The following DDAH1 variants were observed in gnomAD, a reference collection of about 807,000 sequenced individuals.
DDAH1 encodes the protein dimethylarginine dimethylaminohydrolase 1.
In DDAH1, 19 loss-of-function variants were observed where a neutral mutation model predicts 28.8. The ratio of observed to expected loss-of-function variants is 0.66; its 90% CI spans 0.46 to 0.97. The LOEUF (loss-of-function observed/expected upper bound fraction) is 0.97, where lower values mean the gene tolerates loss of function less well. Among genes scored for constraint, DDAH1 ranks in the 50% least tolerant of loss-of-function variants. DDAH1 has a pLI of 0.00. For missense variants in DDAH1, 326 were observed against 375.9 expected (o/e 0.87, Z 1.10); for synonymous variants, 153 against 154.4 (o/e 0.99, Z 0.07).
At chr1:85,391,161 T>C (rs1021644512) in intron 1 of DDAH1, among the ~76,000 whole-genome samples, 1 of 152,230 alleles carries the variant, frequency 6.6e-6, no homozygotes, top group Non-Finnish European at 1.5e-5. Context: ...CTTCCTTTTC[T>C]GAAAACACAA....
chr1:85,402,204 G>A (rs559174064), intron 1 of DDAH1, among the ~76,000 whole-genome samples: 8 of 44,692 alleles, frequency 1.8e-4, no homozygotes, highest in African/African-American at 5.3e-4. Context: ...GTCTCACTAC[G>A]TAGCCCAGGC....
rs115172603 is a variant in DDAH1, at chr1:85,492,370, T to C, written c.-7+3796A>G. Reference sequence around the variant, plus strand: ...AGTGGAACATTGTGACTACCCAAATTGCAGCATTAGAAACAGTAATAGAAA... The same window carrying C: ...AGTGGAACATTGTGACTACCCAAATCGCAGCATTAGAAACAGTAATAGAAA... On this transcript the variant is annotated intron_variant, in intron 2 of 6. Coordinates refer to the DDAH1 transcript ENST00000426972. Among the ~76,000 whole-genome samples the C allele has an allele frequency of 3.8e-3, 580 of 152,296 alleles. 4 individuals are homozygous for C. The highest frequency in any genetic ancestry group is 0.013 in the African/African-American group (544 of 41,560).
At chr1:85,575,156 A>C (rs1376529695) in intron 1 of DDAH1, among the ~76,000 whole-genome samples, 1 of 152,108 alleles carries the variant, frequency 6.6e-6, no homozygotes, top group Non-Finnish European at 1.5e-5. Context: ...GCTTGAGCCC[A>C]GGAGGTCAAG....
At chr1:85,506,437 CTTTA>C (rs777378960) in intron 1 of DDAH1, among the ~76,000 whole-genome samples, 52 of 152,132 alleles carry the variant, frequency 3.4e-4, no homozygotes, top group Non-Finnish European at 5.9e-4. Context: ...GTATACAAAT[CTTTA>C]TTTCTGACTT....
At chr1:85,439,834 CT>C (rs1654111707) in intron 1 of DDAH1, among the ~76,000 whole-genome samples, 1 of 152,134 alleles carries the variant, frequency 6.6e-6, no homozygotes, top group Non-Finnish European at 1.5e-5. Context: ...AATTTTCCTA[CT>C]TTAAGATATT....
intron 1 of DDAH1, among the ~76,000 whole-genome samples, chr1:85,455,389 CAT>C (rs1188397016): frequency 1.3e-5 from 2 of 152,150 alleles, no homozygotes; most frequent in South Asian, 2.1e-4. Flanking sequence ...ATTTGGCTAA[CAT>C]GTGTACACAG....
At chr1:85,326,373 A>G (rs233125) in intron 4 of DDAH1, among the ~76,000 whole-genome samples, 8,104 of 152,304 alleles carry the variant, frequency 0.053, 742 homozygotes, top group African/African-American at 0.19. Flanking sequence ...AGAAAAATAG[A>G]TAATTATATT....
intron 1 of DDAH1, among the ~76,000 whole-genome samples, chr1:85,572,928 T>G (rs1323322096): frequency 2.0e-5 from 3 of 152,224 alleles, no homozygotes; most frequent in Non-Finnish European, 4.4e-5. Context: ...TTTAATCATA[T>G]CATCTATATA....
At chr1:85,373,067 C>A (rs2100890713) in intron 1 of DDAH1, among the ~76,000 whole-genome samples, 1 of 152,218 alleles carries the variant, frequency 6.6e-6, no homozygotes, top group South Asian at 2.1e-4. Context: ...ATATTCAAAT[C>A]TTGAAATAAG....
At chr1:85,324,659 G>C in intron 5 of DDAH1, 81 bp downstream of exon 5, 1 of 1,452,342 alleles carries the variant, frequency 6.9e-7, no homozygotes. Flanking sequence ...GGAAAAGGAG[G>C]CTCCTATTGG....
chr1:85,568,281 C>A (rs1239374763), intron 1 of DDAH1, among the ~76,000 whole-genome samples: 1 of 152,052 alleles, frequency 6.6e-6, no homozygotes, highest in Admixed American at 6.6e-5. Flanking sequence ...GAAAATTAAA[C>A]CCAAAGCAAA....
chr1:85,353,180 G>C (rs1649314305), intron 2 of DDAH1, among the ~76,000 whole-genome samples: 1 of 152,044 alleles, frequency 6.6e-6, no homozygotes, highest in Admixed American at 6.6e-5. Context: ...CAAAACACTA[G>C]ATAAAAATGG....
At chr1:85,381,931 C>T (rs1236371815) in intron 1 of DDAH1, among the ~76,000 whole-genome samples, 7 of 152,058 alleles carry the variant, frequency 4.6e-5, no homozygotes, top group Non-Finnish European at 7.4e-5. Context: ...GGTTTGTTTC[C>T]GTCACTCCCT....
intron 2 of DDAH1, among the ~76,000 whole-genome samples, chr1:85,477,432 C>T (rs937859893): frequency 6.6e-6 from 1 of 152,036 alleles, no homozygotes; most frequent in Non-Finnish European, 1.5e-5. Context: ...TGACATCTTA[C>T]GTGAGAACCA....
At chr1:85,407,730 A>G (rs905198895) in intron 1 of DDAH1, among the ~76,000 whole-genome samples, 2 of 152,224 alleles carry the variant, frequency 1.3e-5, no homozygotes, top group Non-Finnish European at 2.9e-5. Flanking sequence ...AAGGGTTATG[A>G]AACATTACCC....
At chr1:85,432,525 T>C (rs1189205317) in intron 1 of DDAH1, among the ~76,000 whole-genome samples, 1 of 152,214 alleles carries the variant, frequency 6.6e-6, no homozygotes, top group Non-Finnish European at 1.5e-5. Flanking sequence ...TGGTCAGCTT[T>C]TTTCAGTAGA....
intron 2 of DDAH1, among the ~76,000 whole-genome samples, chr1:85,353,402 C>A (rs931206134): frequency 1.2e-4 from 18 of 152,188 alleles, no homozygotes; most frequent in African/African-American, 3.9e-4. Context: ...AATATTATAA[C>A]TTTAATCTTC....
chr1:85,442,396 T>C (rs1654239334), intron 1 of DDAH1, among the ~76,000 whole-genome samples: 1 of 152,228 alleles, frequency 6.6e-6, no homozygotes, highest in Non-Finnish European at 1.5e-5. Context: ...CCATGGTGTA[T>C]ATGTGCCACA....
intron 3 of DDAH1, 94 bp from the exon 4 acceptor site, chr1:85,350,628 G>T: frequency 7.2e-7 from 1 of 1,394,082 alleles, no homozygotes; most frequent in Non-Finnish European, 9.7e-7. Flanking sequence ...CTTCTTGAAG[G>T]CTGACAGGGA....
Sources: allele counts gnomAD v4.1 joint callset (sites outside exome capture counted in the v4.1 genomes callset), GRCh38; gene constraint gnomAD v4.1.1; transcripts MANE v1.5; gene names NCBI Gene and HGNC (gene_info 2026-07-23, HGNC 2026-07-21).